The following TMBIM6 variants were observed in gnomAD, a reference collection of about 807,000 sequenced individuals.
The protein encoded by TMBIM6 is bax inhibitor 1.
Under a neutral mutation model 31.4 loss-of-function variants are expected in TMBIM6, and 13 were observed. The observed-to-expected ratio is 0.41, with a 90% CI of 0.27 to 0.66. The LOEUF (loss-of-function observed/expected upper bound fraction) is 0.66, where lower values mean the gene tolerates loss of function less well. Among genes scored for constraint, TMBIM6 ranks in the 30% least tolerant of loss-of-function variants. The pLI is 0.28. For missense variants in TMBIM6, 275 were observed against 289.5 expected (o/e 0.95, Z 0.36); for synonymous variants, 85 against 101.7 (o/e 0.84, Z 0.99).
At chr12:49,741,802 G>T in intron 1 of TMBIM6, 191 bp downstream of exon 1, 1 of 320,570 alleles carries the variant, frequency 3.1e-6, no homozygotes, top group Non-Finnish European at 5.9e-6. Flanking sequence ...AGTGCTGCGC[G>T]TGCGCAACAG....
chr12:49,763,311 C>G lies in TMBIM6; in HGVS notation c.*415C>G, dbSNP rs1945755797. The stretch of plus-strand genomic sequence containing the variant: ...ATTGTTGTTTGGTATGCGCACAGTT[C>G]CTGTGGGACTGGGCCGTGAGTTTTC... On this transcript the variant is annotated 3_prime_UTR_variant, in exon 10 of 10. Transcript: ENST00000267115. 2.5e-5 allele frequency: 4 copies of G among 161,138 alleles called. No individual in the cohort carries two copies. Among genetic ancestry groups the G allele is most frequent in the Non-Finnish European group, 5.5e-5 (4 of 73,216 alleles). The allele number at this position is 161,138 out of a possible 1,614,324, so 10.0% of individuals were successfully genotyped here.
intron 1 of TMBIM6, chr12:49,742,512 C>T: frequency 2.2e-6 from 1 of 453,186 alleles, no homozygotes; most frequent in Non-Finnish European, 3.8e-6. Flanking sequence ...ACAAAAATCA[C>T]TATGAACTTG....
At chr12:49,749,427 TGTAAGTCA>T (rs1428078129) in intron 1 of TMBIM6, among the ~76,000 whole-genome samples, 16 of 147,088 alleles carry the variant, frequency 1.1e-4, no homozygotes, top group African/African-American at 3.8e-4. Flanking sequence ...CTTTTCTTTT[TGTAAGTCA>T]TTTTTGTTTT....
intron 4 of TMBIM6, among the ~76,000 whole-genome samples, chr12:49,756,441 T>C (rs1018875949): frequency 5.4e-5 from 6 of 110,366 alleles, no homozygotes; most frequent in Middle Eastern, 0.01. Context: ...GCCTCCTGGC[T>C]TTTTTTTTTT....
rs925244828 is a variant in TMBIM6, at chr12:49,742,157, A to G, written c.-31+546A>G. On this transcript the variant is annotated intron_variant, in intron 1 of 9. Coordinates refer to ENST00000267115, the MANE Select transcript of TMBIM6 (RefSeq NM_003217.3). ...GGGTGATGTCACACTCCTCTGTGAC[A>G]CGCGAGGCTCCTCAGTTACTTAGCC... 3.1e-6 allele frequency: 5 copies of G among 1,612,676 alleles called. No individual in the cohort carries two copies. In the South Asian group the frequency reaches 5.5e-5, roughly 18 times the overall value.
At position 49,761,653 on chromosome 12, in the gene TMBIM6, G is replaced by C. The variant is rs145698188; in HGVS notation, c.615-51G>C. ...TTATATTCTGCATCTTTGTGGGCTT[G>C]TGGATAAAAAAGTCTGAAGTACAGA... On this transcript the variant is annotated intron_variant, in intron 8 of 9. Transcript: ENST00000267115. 15 of 1,575,824 alleles carry C rather than the reference G, an allele frequency of 9.5e-6. No individual in the cohort carries two copies. The African/African-American group carries it at 2.0e-4, about 21-fold the overall frequency.
chr12:49,750,221 C>CG (rs1945470737), intron 1 of TMBIM6, among the ~76,000 whole-genome samples: 1 of 152,290 alleles, frequency 6.6e-6, no homozygotes, highest in African/African-American at 2.4e-5. Context: ...ATTCTCCCCT[C>CG]GAACAGATTC....
intron 8 of TMBIM6, among the ~76,000 whole-genome samples, chr12:49,759,763 C>T (rs559771867): frequency 3.3e-5 from 5 of 149,888 alleles, no homozygotes; most frequent in African/African-American, 1.2e-4. Flanking sequence ...GCCAAGATTG[C>T]ACCACTGCAC....
chr12:49,763,022 G>A lies in TMBIM6; in HGVS notation c.*126G>A. 1.8e-6 allele frequency: 2 copies of A among 1,121,120 alleles called. No homozygotes were observed. Among genetic ancestry groups the A allele is most frequent in the Non-Finnish European group, 1.3e-6 (1 of 787,932 alleles). The allele number at this position is 1,121,120 out of a possible 1,614,324, so 69.4% of individuals were successfully genotyped here. A position where few individuals can be genotyped will look rare whatever the true frequency, so the allele number is the denominator to read the frequency against. ...ATCAGAAAAGCTTTTGTACTTTGTG[G>A]TTTCCTCTATTTTGAATTTTTTGAT... On this transcript the variant is annotated 3_prime_UTR_variant, in exon 10 of 10. Transcript: ENST00000267115.
intron 4 of TMBIM6, among the ~76,000 whole-genome samples, chr12:49,757,300 C>G (rs1945622280): frequency 6.6e-6 from 1 of 152,160 alleles, no homozygotes; most frequent in South Asian, 2.1e-4. Flanking sequence ...GAATGAGGTT[C>G]AAGAGCTTAG....
chr12:49,750,198 G>T (rs1945470183), intron 1 of TMBIM6, among the ~76,000 whole-genome samples: 1 of 152,136 alleles, frequency 6.6e-6, no homozygotes, highest in Non-Finnish European at 1.5e-5. Context: ...TCTGAGAAAG[G>T]GGAGTTTCTG....
intron 9 of TMBIM6, 64 bp downstream of exon 9, chr12:49,761,843 C>G: frequency 6.5e-7 from 1 of 1,543,118 alleles, no homozygotes. Context: ...TGTGTGTATA[C>G]TTCAGATTTG....
chr12:49,747,265 A>T (rs1945412281), intron 1 of TMBIM6, among the ~76,000 whole-genome samples: 2 of 152,120 alleles, frequency 1.3e-5, no homozygotes, highest in African/African-American at 4.8e-5. Flanking sequence ...TGTAATTGAC[A>T]AACTAATTTT....
chr12:49,758,572 T>A (rs1945652151), intron 6 of TMBIM6, 92 bp downstream of exon 6: 1 of 1,546,772 alleles, frequency 6.5e-7, no homozygotes, highest in South Asian at 1.1e-5. Flanking sequence ...CCTTTGCGAC[T>A]ATTGAGTTGA....
chr12:49,741,789 A>C, intron 1 of TMBIM6, 178 bp downstream of exon 1: 16 of 285,956 alleles, frequency 5.6e-5, no homozygotes, highest in Middle Eastern at 1.2e-3. Context: ...AAGCTAGGGA[A>C]CTAGTGCTGC....
rs1193685618 is a variant in TMBIM6 at position 49,764,690 on chromosome 12, T to C, written c.*1794T>C. 7.8e-6 allele frequency: 1 copy of C among 127,652 alleles called. No individual in the cohort carries two copies. Among genetic ancestry groups the C allele is most frequent in the African/African-American group, 3.3e-5 (1 of 30,188 alleles). 7.9% of individuals were successfully genotyped at this position (127,652 alleles called of 1,614,324 possible). A position where few individuals can be genotyped will look rare whatever the true frequency, so the allele number is the denominator to read the frequency against. ...TAATGGAGTTTTTCTTTAGAAACAG[T>C]GCCAAGAATGACAAGATATTAAAAA... On this transcript the variant is annotated 3_prime_UTR_variant, in exon 10 of 10. Transcript: ENST00000267115.
chr12:49,757,499 C>T (rs970317417), intron 4 of TMBIM6, among the ~76,000 whole-genome samples: 8 of 152,170 alleles, frequency 5.3e-5, no homozygotes. Context: ...AAGAAAGGCA[C>T]AGCTCTTCTA....
chr12:49,755,636 C>T lies in TMBIM6; in HGVS notation c.167C>T (p.Ala56Val). 3 of 1,613,444 alleles carry T rather than the reference C, an allele frequency of 1.9e-6. No individual in the cohort carries two copies. The highest frequency in any genetic ancestry group is 2.5e-6 in the Non-Finnish European group (3 of 1,179,774). ...YVHMVTHFIQAGLLSALGSLI... is the reference protein window; with the variant it reads ...YVHMVTHFIQVGLLSALGSLI... ...ATTGATTGATTCTGACTCTAACAGGCTGGCCTGCTGTCTGCCTTGGGCTCC... is the reference window on the plus strand; with the variant it reads ...ATTGATTGATTCTGACTCTAACAGGTTGGCCTGCTGTCTGCCTTGGGCTCC... The change falls in exon 4 of 10, where the codon GCT (alanine) becomes GTT (valine). Residue 56 changes from alanine to valine, a missense_variant and splice_region_variant. Transcript: ENST00000267115.
At chr12:49,748,318 C>T (rs1945434622) in intron 1 of TMBIM6, among the ~76,000 whole-genome samples, 1 of 152,072 alleles carries the variant, frequency 6.6e-6, no homozygotes, top group Non-Finnish European at 1.5e-5. Context: ...AGGCATTTAA[C>T]ATGACCTAGA....
Sources: gnomAD v4.1 joint callset for allele counts (sites outside exome capture counted in the v4.1 genomes callset) on GRCh38, gnomAD v4.1.1 for gene constraint, MANE v1.5 for transcripts, NCBI Gene and HGNC (gene_info 2026-07-23, HGNC 2026-07-21) for gene names.